Variants in OR3A3 observed in about 807,000 individuals in gnomAD.
OR3A3 encodes olfactory receptor 3A3.
For missense variants in OR3A3, 275 were observed against 391.4 expected, an observed-to-expected ratio of 0.70 and a Z score of 2.51; for synonymous variants, 103 against 163.9, an observed-to-expected ratio of 0.63 and a Z score of 2.84.
At chr17:3,418,961 G>A (rs527352199) in intron 2 of OR3A3, among the ~76,000 whole-genome samples, 1 of 152,280 alleles carries the variant, frequency 6.6e-6, no homozygotes, top group African/African-American at 2.4e-5. Context: ...CCTGAATGAA[G>A]GACAAGTAGA....
chr17:3,421,067 C>T (rs748329900), exon 3 of OR3A3: 14 of 1,614,034 alleles, frequency 8.7e-6, no homozygotes, highest in Middle Eastern at 3.3e-4. Flanking sequence ...AACGCACTGA[C>T]CCACACTGTG....
At chr17:3,415,777 T>C (rs1342362429) in intron 2 of OR3A3, among the ~76,000 whole-genome samples, 1 of 145,304 alleles carries the variant, frequency 6.9e-6, no homozygotes, top group East Asian at 2.0e-4. Context: ...TTTTATTTTA[T>C]TTTTTATTTA....
At chr17:3,415,798 A>AATT (rs71153352) in intron 2 of OR3A3, among the ~76,000 whole-genome samples, 7,752 of 90,298 alleles carry the variant, frequency 0.086, 291 homozygotes, top group South Asian at 0.14. Context: ...CTTATTTTTA[A>AATT]ATTATTATTA....
At chr17:3,420,743 T>C in exon 3 of OR3A3, 2 of 1,395,000 alleles carry the variant, frequency 1.4e-6, no homozygotes, top group East Asian at 2.4e-5. Flanking sequence ...GCAGCCGTCT[T>C]GGTGGAGCCC....
exon 3 of OR3A3, chr17:3,423,479 CTCTT>C (rs779124254): frequency 9.2e-5 from 14 of 152,198 alleles, no homozygotes; most frequent in Non-Finnish European, 1.5e-5. Flanking sequence ...GGGAGTTTCT[CTCTT>C]TGTGCTCTCA....
chr17:3,417,643 T>C (rs1378989804), intron 2 of OR3A3, among the ~76,000 whole-genome samples: 1 of 152,188 alleles, frequency 6.6e-6, no homozygotes, highest in Non-Finnish European at 1.5e-5. Context: ...CTGTTGCTTG[T>C]ATATTTGAGT....
chr17:3,422,284 G>A (rs973277245), exon 3 of OR3A3: 1 of 152,130 alleles, frequency 6.6e-6, no homozygotes, highest in African/African-American at 2.4e-5. Context: ...TAAAAACTAT[G>A]TTAATACATA....
exon 3 of OR3A3, chr17:3,423,403 C>T (rs1222408109): frequency 3.3e-5 from 5 of 152,298 alleles, no homozygotes; most frequent in Admixed American, 1.3e-4. Context: ...CACCTCCTTT[C>T]CTGTGTTCCA....
chr17:3,423,124 T>G (rs758604366), exon 3 of OR3A3: 3 of 152,182 alleles, frequency 2.0e-5, no homozygotes, highest in Non-Finnish European at 4.4e-5. Context: ...TGCTCTGTGA[T>G]CTTAGAAAGT....
At chr17:3,413,831 A>AAAAAAAC (rs140367345) in intron 2 of OR3A3, among the ~76,000 whole-genome samples, 49,551 of 143,326 alleles carry the variant, frequency 0.35, 9,107 homozygotes, top group Non-Finnish European at 0.43. Context: ...AAAAAAAAAC[A>AAAAAAAC]AAAAAACAAA....
At chr17:3,423,953 G>GAAAAAAAAAAAAAAAAAAAAAAAAAA (rs148900480) in exon 3 of OR3A3, 1 of 120,040 alleles carries the variant, frequency 8.3e-6, no homozygotes, top group African/African-American at 3.1e-5. Flanking sequence ...CTCAAAAAAA[G>GAAAAAAAAAAAAAAAAAAAAAAAAAA]AAAAAAAAAA....
At chr17:3,413,743 G>A (rs1176557020) in intron 2 of OR3A3, among the ~76,000 whole-genome samples, 1 of 151,586 alleles carries the variant, frequency 6.6e-6, no homozygotes, top group Non-Finnish European at 1.5e-5. Flanking sequence ...AACCTGGGAG[G>A]TGGAGGTTGC....
intron 2 of OR3A3, among the ~76,000 whole-genome samples, chr17:3,414,409 C>T (rs2072379261): frequency 6.6e-6 from 1 of 152,098 alleles, no homozygotes; most frequent in Non-Finnish European, 1.5e-5. Flanking sequence ...TACTGTGCAG[C>T]TGAGGTTGAG....
chr17:3,423,497 A>G (rs772730939), exon 3 of OR3A3: 18 of 152,230 alleles, frequency 1.2e-4, no homozygotes, highest in Non-Finnish European at 1.9e-4. Flanking sequence ...GCTCTCAAAT[A>G]TAAATATACC....
At chr17:3,413,917 G>A (rs1207484987) in intron 2 of OR3A3, among the ~76,000 whole-genome samples, 1 of 151,878 alleles carries the variant, frequency 6.6e-6, no homozygotes, top group Non-Finnish European at 1.5e-5. Context: ...CATCCCCTCT[G>A]CAGCTTCCCC....
intron 2 of OR3A3, among the ~76,000 whole-genome samples, chr17:3,420,152 A>G (rs2072420895): frequency 6.6e-6 from 1 of 152,092 alleles, no homozygotes; most frequent in African/African-American, 2.4e-5. Context: ...TTTAAGGTTC[A>G]CCACATGAAG....
At chr17:3,414,504 C>T (rs2072379703) in intron 2 of OR3A3, among the ~76,000 whole-genome samples, 2 of 152,100 alleles carry the variant, frequency 1.3e-5, no homozygotes, top group Admixed American at 1.3e-4. Flanking sequence ...GAAAGAAAAA[C>T]ACGATGCAGG....
At chr17:3,415,838 A>G (rs1014507790) in intron 2 of OR3A3, among the ~76,000 whole-genome samples, 2 of 133,270 alleles carry the variant, frequency 1.5e-5, no homozygotes, top group African/African-American at 5.7e-5. Flanking sequence ...TATTATTATT[A>G]TTATTTGAGA....
intron 2 of OR3A3, among the ~76,000 whole-genome samples, chr17:3,419,973 T>G (rs1489639368): frequency 1.3e-5 from 2 of 152,144 alleles, no homozygotes. Context: ...TTCGCTGTGT[T>G]AGCCAGGATG....
Sources: allele counts gnomAD v4.1 joint callset (sites outside exome capture counted in the v4.1 genomes callset), GRCh38; gene constraint gnomAD v4.1.1; transcripts MANE v1.5; gene names NCBI Gene and HGNC (gene_info 2026-07-23, HGNC 2026-07-21).